TRAPPC8: variants seen among roughly 807,000 people sequenced by gnomAD.
The protein encoded by TRAPPC8 is trafficking protein particle complex subunit 8, also known as general sporulation gene 1 homolog.
In TRAPPC8, 54 loss-of-function variants were observed where a neutral mutation model predicts 174.3. The ratio of observed to expected loss-of-function variants is 0.31; its 90% CI spans 0.25 to 0.39. The LOEUF is 0.39. Ranked by LOEUF, TRAPPC8 falls within the 10% of genes least tolerant of loss-of-function variation. The pLI is 1.00. For synonymous variants in TRAPPC8, 630 were observed against 579.9 expected, an observed-to-expected ratio of 1.09 and a Z score of -1.24; for missense variants, 1,531 against 1,699.1, an observed-to-expected ratio of 0.90 and a Z score of 1.74.
intron 25 of TRAPPC8, among the ~76,000 whole-genome samples, chr18:31,847,709 T>C (rs776563938): frequency 2.0e-5 from 3 of 152,186 alleles, no homozygotes; most frequent in African/African-American, 4.8e-5. Context: ...AAACACCTGA[T>C]AGGGTAATGT....
At chr18:31,860,639 T>G (rs1424725240) in intron 19 of TRAPPC8, among the ~76,000 whole-genome samples, 1 of 152,190 alleles carries the variant, frequency 6.6e-6, no homozygotes, top group Non-Finnish European at 1.5e-5. Flanking sequence ...CACAGGAATA[T>G]TCTATGAATT....
chr18:31,894,020 G>A (rs764048898), intron 11 of TRAPPC8, among the ~76,000 whole-genome samples: 9 of 152,144 alleles, frequency 5.9e-5, no homozygotes, highest in African/African-American at 1.9e-4. Flanking sequence ...AAACCAAAAT[G>A]AGAAACCCTT....
At chr18:31,867,672 A>T (rs1381081338) in intron 16 of TRAPPC8, among the ~76,000 whole-genome samples, 196 bp from the exon 17 acceptor site, 1 of 152,144 alleles carries the variant, frequency 6.6e-6, no homozygotes, top group Non-Finnish European at 1.5e-5. Flanking sequence ...TAGGCACTCA[A>T]TATATATTTT....
At position 31,871,060 on chromosome 18, in the gene TRAPPC8, T is replaced by C; in HGVS notation, c.2123A>G (p.Gln708Arg). The change falls in exon 15 of 29, where the codon CAG becomes CGG. Residue 708 changes from glutamine (Q) to arginine (R), a missense_variant. By Grantham distance (43) the Gln-to-Arg change is conservative. Coordinates refer to ENST00000283351, the MANE Select transcript of TRAPPC8 (RefSeq NM_014939.5). ...TTGTTCCTCAAGTTCTCGCCACTGC[T>C]GAGAGGATTCAGAATCATATTCTTG... is the stretch of plus-strand genomic sequence containing the variant. ...LDQEYDSESS[Q>R]QWRELEEQVV... The C allele has an allele frequency of 1.2e-6, 2 of 1,608,846 alleles. No homozygotes were observed. The highest frequency in any genetic ancestry group is 1.7e-6 in the Non-Finnish European group (2 of 1,176,862).
At chr18:31,875,286 T>C (rs1454342206) in intron 12 of TRAPPC8, among the ~76,000 whole-genome samples, 2 of 150,824 alleles carry the variant, frequency 1.3e-5, no homozygotes, top group African/African-American at 2.4e-5. Context: ...TGGCCACATA[T>C]GCCACAGTTT....
At chr18:31,854,771 ATCCT>A (rs1258267215) in intron 21 of TRAPPC8, among the ~76,000 whole-genome samples, 15 of 151,886 alleles carry the variant, frequency 9.9e-5, no homozygotes, top group South Asian at 2.1e-4. Context: ...GATCGAGACC[ATCCT>A]GGCTAACATG....
intron 8 of TRAPPC8, among the ~76,000 whole-genome samples, chr18:31,908,099 T>C (rs2036742616): frequency 1.3e-5 from 2 of 152,208 alleles, no homozygotes; most frequent in South Asian, 4.1e-4. Flanking sequence ...CAAAAGTGAC[T>C]TTCCCATTTG....
chr18:31,847,898 T>C (rs977301530), intron 25 of TRAPPC8, among the ~76,000 whole-genome samples: 1 of 152,140 alleles, frequency 6.6e-6, no homozygotes, highest in Non-Finnish European at 1.5e-5. Flanking sequence ...GGATTAAAGT[T>C]GTTTAGGAGT....
chr18:31,854,923 G>A (rs1466263521), intron 21 of TRAPPC8, among the ~76,000 whole-genome samples: 8 of 125,264 alleles, frequency 6.4e-5, no homozygotes, highest in Admixed American at 3.0e-4. Context: ...CAGAGATCGC[G>A]CCACTGCACT....
At chr18:31,924,045 A>G (rs2037503514) in intron 2 of TRAPPC8, among the ~76,000 whole-genome samples, 1 of 152,166 alleles carries the variant, frequency 6.6e-6, no homozygotes. Context: ...GCACTTTAGG[A>G]GGCTGAGGTG....
intron 24 of TRAPPC8, among the ~76,000 whole-genome samples, chr18:31,851,769 T>A (rs1196196240): frequency 6.6e-6 from 1 of 152,266 alleles, no homozygotes; most frequent in East Asian, 1.9e-4. Context: ...GGTCTCAGAA[T>A]ATGATATGAT....
chr18:31,909,789 G>C, intron 5 of TRAPPC8, 29 bp from the exon 6 acceptor site: 1 of 1,435,404 alleles, frequency 7.0e-7, no homozygotes, highest in Non-Finnish European at 9.5e-7. Context: ...AAAAGCATTA[G>C]CAGTTATACT....
At chr18:31,901,286 A>G (rs1474541938) in intron 9 of TRAPPC8, among the ~76,000 whole-genome samples, 1 of 152,142 alleles carries the variant, frequency 6.6e-6, no homozygotes, top group African/African-American at 2.4e-5. Context: ...AATGAGTAAG[A>G]GTCTTACAGA....
chr18:31,874,449 T>C (rs758092194), intron 13 of TRAPPC8, 31 bp downstream of exon 13: 4 of 1,572,208 alleles, frequency 2.5e-6, no homozygotes, highest in East Asian at 2.2e-5. Context: ...ACAGTTTTAA[T>C]ATCTATTCCT....
At chr18:31,900,686 A>G (rs2036382323) in intron 10 of TRAPPC8, among the ~76,000 whole-genome samples, 1 of 152,250 alleles carries the variant, frequency 6.6e-6, no homozygotes, top group Non-Finnish European at 1.5e-5. Flanking sequence ...ATGTCCCCAC[A>G]ATACAAATTA....
At chr18:31,852,340 C>G (rs141464081) in intron 24 of TRAPPC8, 106 bp downstream of exon 24, 22 of 1,274,306 alleles carry the variant, frequency 1.7e-5, no homozygotes, top group Admixed American at 4.1e-5. Flanking sequence ...TTGTCTCCCC[C>G]CCAAAAAAAA....
intron 1 of TRAPPC8, chr18:31,939,653 G>A (rs1381734325): frequency 2.0e-5 from 3 of 152,306 alleles, no homozygotes; most frequent in East Asian, 1.9e-4. Flanking sequence ...GCAGTGGTCC[G>A]AGACGAGCCT....
intron 1 of TRAPPC8, among the ~76,000 whole-genome samples, chr18:31,941,430 C>T (rs1488025933): frequency 6.6e-6 from 1 of 151,788 alleles, no homozygotes; most frequent in Non-Finnish European, 1.5e-5. Context: ...GCAACAAGAG[C>T]GAAACTCCAT....
At chr18:31,880,949 G>GT (rs1368320456) in intron 12 of TRAPPC8, among the ~76,000 whole-genome samples, 2 of 151,798 alleles carry the variant, frequency 1.3e-5, no homozygotes, top group Non-Finnish European at 2.9e-5. Flanking sequence ...ATTTAACCAA[G>GT]GAGGTAAAAG....
Sources: gnomAD v4.1 joint callset for allele counts (sites outside exome capture counted in the v4.1 genomes callset) on GRCh38, gnomAD v4.1.1 for gene constraint, MANE v1.5 for transcripts, NCBI Gene and HGNC (gene_info 2026-07-23, HGNC 2026-07-21) for gene names.